UNC80: variants seen among roughly 807,000 people sequenced by gnomAD.
UNC80 encodes unc-80 subunit of NALCN channel complex, also known as protein unc-80 homolog.
A neutral mutation model predicts 384.6 loss-of-function variants in UNC80; 164 were observed. The observed-to-expected ratio is 0.43, with a 90% CI of 0.38 to 0.49. UNC80 has a LOEUF of 0.49. Among genes scored for constraint, UNC80 ranks in the 20% least tolerant of loss-of-function variants. The pLI, the probability that UNC80 is intolerant of heterozygous loss-of-function variation, is 0.00. For synonymous variants in UNC80, 1,486 were observed against 1,527.8 expected, an observed-to-expected ratio of 0.97 and a Z score of 0.64; for missense variants, 3,330 against 4,143.0, an observed-to-expected ratio of 0.80 and a Z score of 5.39.
intron 51 of UNC80, among the ~76,000 whole-genome samples, chr2:209,964,812 A>G (rs567611522): frequency 6.6e-5 from 10 of 151,418 alleles, no homozygotes; most frequent in Non-Finnish European, 1.5e-4. Flanking sequence ...AGACAAGTAC[A>G]GAAGGGGGGA....
chr2:209,878,831 G>C (rs755762052), intron 24 of UNC80, among the ~76,000 whole-genome samples: 7 of 152,108 alleles, frequency 4.6e-5, no homozygotes, highest in Non-Finnish European at 7.4e-5. Flanking sequence ...AACATAGTGA[G>C]ATCTCTTCCT....
At position 209,972,201 on chromosome 2, in the gene UNC80, G is replaced by A; in HGVS notation, c.8257G>A (p.Ala2753Thr). The A allele has an allele frequency of 6.4e-7, 1 of 1,550,402 alleles. No homozygotes were observed. The highest frequency in any genetic ancestry group is 8.7e-7 in the Non-Finnish European group (1 of 1,146,290). ...VVRLVALQIQ[A>T]LKEDFPLSHV... ...CTTTTCTTCTATTATTGCTGCACAG[G>A]CTTTAAAAGAAGATTTTCCTTTAAG... Residue 2753 changes from alanine to threonine, a missense_variant and splice_region_variant, in exon 55 of 65, where the codon GCT becomes ACT. Transcript: ENST00000673920.
intron 29 of UNC80, among the ~76,000 whole-genome samples, chr2:209,911,361 A>C (rs1320934842): frequency 6.6e-6 from 1 of 152,190 alleles, no homozygotes; most frequent in Admixed American, 6.5e-5. Flanking sequence ...AAAGCAAAGC[A>C]ATAGTTATCT....
chr2:209,786,909 T>C (rs185819128), intron 5 of UNC80, among the ~76,000 whole-genome samples: 76 of 150,842 alleles, frequency 5.0e-4, no homozygotes, highest in Non-Finnish European at 9.0e-4. Flanking sequence ...TAGTCTTCTA[T>C]TCCCAACTCT....
chr2:209,901,379 G>T (rs1265463441), intron 28 of UNC80, among the ~76,000 whole-genome samples: 1 of 152,104 alleles, frequency 6.6e-6, no homozygotes, highest in African/African-American at 2.4e-5. Context: ...AAGCCCGGAT[G>T]ACAGCCCATC....
At position 209,994,385 on chromosome 2, in the gene UNC80, A is replaced by G. The variant is rs79999378; in HGVS notation, c.9708+121A>G. 3.1e-3 allele frequency: 2,579 copies of G among 823,622 alleles called. 37 individuals are homozygous for G. The African/African-American group carries it at 0.035, about 11-fold the overall frequency. 51.0% of individuals were successfully genotyped at this position (823,622 alleles called of 1,614,324 possible). ...AGGTCTGCAATGCTTTGTTATCCAA[A>G]CAGATACTGCTCCTGCCATCATGAA... On this transcript the variant is annotated intron_variant, in intron 64 of 64. Coordinates refer to ENST00000673920, the MANE Select transcript of UNC80 (RefSeq NM_001371986.1).
intron 18 of UNC80, among the ~76,000 whole-genome samples, chr2:209,838,332 C>T (rs1349238153): frequency 6.7e-6 from 1 of 149,506 alleles, no homozygotes; most frequent in Non-Finnish European, 1.5e-5. Flanking sequence ...GATCTTACTT[C>T]AGCTGCCTAT....
At chr2:209,946,835 T>C (rs2091936472) in intron 47 of UNC80, among the ~76,000 whole-genome samples, 1 of 152,234 alleles carries the variant, frequency 6.6e-6, no homozygotes, top group Non-Finnish European at 1.5e-5. Flanking sequence ...TATATCTTTA[T>C]ATATTTGCCC....
At chr2:209,813,335 A>T (rs1338948838) in intron 7 of UNC80, among the ~76,000 whole-genome samples, 1 of 152,134 alleles carries the variant, frequency 6.6e-6, no homozygotes, top group Non-Finnish European at 1.5e-5. Context: ...TCCTGCCCAA[A>T]CCTCAACTTT....
chr2:209,839,348 C>T lies in UNC80; in HGVS notation c.3168C>T (p.Ala1056=). 1 of 1,551,890 alleles carries T rather than the reference C, an allele frequency of 6.4e-7. No homozygotes were observed. Among genetic ancestry groups the T allele is most frequent in the Non-Finnish European group, 8.7e-7 (1 of 1,147,052 alleles). Residue 1056 remains alanine, a synonymous_variant, in exon 19 of 65, where the codon GCC becomes GCT. Transcript: ENST00000673920. The surrounding 1 kb of genome is among the most constrained non-coding windows in gnomAD (Gnocchi z 4.1). ...SEQDTSECTT[A]HSGTTSDRRA... Reference sequence around the variant, plus strand: ...AGGACACTTCAGAATGCACGACTGCCCACTCAGGGACCACCTCTGACCGAC... The same window carrying T: ...AGGACACTTCAGAATGCACGACTGCTCACTCAGGGACCACCTCTGACCGAC...
At chr2:209,897,243 A>G (rs1438532890) in intron 28 of UNC80, among the ~76,000 whole-genome samples, 1 of 152,166 alleles carries the variant, frequency 6.6e-6, no homozygotes, top group Non-Finnish European at 1.5e-5. Context: ...ACAGCTCAAT[A>G]CATTTTTATG....
At chr2:209,794,457 TCAA>T (rs1352796088) in intron 7 of UNC80, among the ~76,000 whole-genome samples, 1 of 152,212 alleles carries the variant, frequency 6.6e-6, no homozygotes, top group African/African-American at 2.4e-5. Context: ...ATCCCTACTT[TCAA>T]ATAAAATTAT....
chr2:209,833,343 G>A (rs879338713), intron 16 of UNC80, among the ~76,000 whole-genome samples: 3 of 151,286 alleles, frequency 2.0e-5, no homozygotes, highest in African/African-American at 7.3e-5. Flanking sequence ...GGAAATGCTG[G>A]ATCCAAAGCT....
chr2:209,936,820 T>TA, intron 40 of UNC80, 24 bp from the exon 41 acceptor site: 3 of 1,470,816 alleles, frequency 2.0e-6, no homozygotes, highest in Non-Finnish European at 2.8e-6. Context: ...AAACATTTAT[T>TA]AAAATTTGTT....
chr2:209,955,736 TATACACACACAC>T (rs1381777247), intron 48 of UNC80, among the ~76,000 whole-genome samples: 13 of 61,368 alleles, frequency 2.1e-4, no homozygotes, highest in African/African-American at 1.4e-3. Context: ...TATATATATA[TATACACACACAC>T]ACACACACAC....
In UNC80 at chr2:209,904,861, C is replaced by T. The variant is rs940692104; in HGVS notation, c.4678C>T (p.Arg1560Ter). 8 of 1,551,792 alleles carry T rather than the reference C, an allele frequency of 5.2e-6. No homozygotes were observed. Among genetic ancestry groups the T allele is most frequent in the Non-Finnish European group, 4.4e-6 (5 of 1,147,046 alleles). The part of the protein sequence containing the change: ...CYLHHSRSCA[R>*]LVRAIKLLYG... Reference sequence around the variant, plus strand: ...CCTGCACCACAGCCGCTCCTGTGCCCGACTGGTCAGAGCCATCAAGCTACT... The same window carrying T: ...CCTGCACCACAGCCGCTCCTGTGCCTGACTGGTCAGAGCCATCAAGCTACT... Residue 1560 changes from arginine to a stop codon, truncating the protein, a stop_gained, in exon 29 of 65, where the codon CGA becomes TGA. Transcript: ENST00000673920. LOFTEE classifies it high-confidence loss of function.
intron 64 of UNC80, among the ~76,000 whole-genome samples, 160 bp from the exon 65 acceptor site, chr2:209,995,169 G>T (rs535766869): frequency 6.6e-6 from 1 of 152,322 alleles, no homozygotes. Flanking sequence ...GGGTTAGAAA[G>T]TTGGAAAGGC....
At position 209,840,481 on chromosome 2, in the gene UNC80, T is replaced by A. The variant is rs2081656484; in HGVS notation, c.3251-61T>A. 2.1e-6 allele frequency: 3 copies of A among 1,400,052 alleles called. No individual in the cohort carries two copies. The African/African-American group carries it at 4.3e-5, about 20-fold the overall frequency. The allele number at this position is 1,400,052 out of a possible 1,614,324, so 86.7% of individuals were successfully genotyped here. A position where few individuals can be genotyped will look rare whatever the true frequency, so the allele number is the denominator to read the frequency against. On this transcript the variant is annotated intron_variant, in intron 19 of 64. Transcript: ENST00000673920. ...CGCTTGTTGGGCTTATGTTGACATT[T>A]CTGTTTAATTGATTGGATAGAAAAT... is the stretch of plus-strand genomic sequence containing the variant.
At chr2:209,883,289 T>C (rs1052990163) in intron 25 of UNC80, among the ~76,000 whole-genome samples, 2 of 152,288 alleles carry the variant, frequency 1.3e-5, no homozygotes, top group African/African-American at 4.8e-5. Flanking sequence ...GTGTATAATA[T>C]GTTATTGTTG....
Sources: allele counts gnomAD v4.1 joint callset (sites outside exome capture counted in the v4.1 genomes callset), GRCh38; gene constraint gnomAD v4.1.1; non-coding constraint Gnocchi (gnomAD v3.1); transcripts MANE v1.5; gene names NCBI Gene and HGNC (gene_info 2026-07-23, HGNC 2026-07-21).